The following CFDP1 variants were observed in gnomAD, a reference collection of about 807,000 sequenced individuals.
CFDP1 encodes the protein heterochromatin-stabilizing protein CFDP1.
CFDP1 carries 31 observed loss-of-function variants against 40.1 expected under a neutral mutation model. The ratio of observed to expected loss-of-function variants is 0.77; its 90% confidence interval spans 0.58 to 1.04. The LOEUF is 1.04. CFDP1 is among the 50% of genes least tolerant of loss of function. The pLI, the probability that CFDP1 is intolerant of heterozygous loss-of-function variation, is 0.00. For synonymous variants in CFDP1, 167 were observed against 120.0 expected, an observed-to-expected ratio of 1.39 and a Z score of -2.56; for missense variants, 423 against 343.4, an observed-to-expected ratio of 1.23 and a Z score of -1.83.
intron 5 of CFDP1, among the ~76,000 whole-genome samples, chr16:75,332,813 CTTT>C (rs1222124619): frequency 8.6e-6 from 1 of 116,556 alleles, no homozygotes. Flanking sequence ...TTTTTTTTTC[CTTT>C]TTTTTTTTTG....
chr16:75,368,092 T>A (rs1024137920), intron 5 of CFDP1, among the ~76,000 whole-genome samples: 40 of 152,092 alleles, frequency 2.6e-4, no homozygotes, highest in African/African-American at 8.9e-4. Context: ...GAAGACTCCA[T>A]CTCAAACAAA....
intron 6 of CFDP1, among the ~76,000 whole-genome samples, chr16:75,303,299 G>T (rs28469205): frequency 6.6e-6 from 1 of 152,092 alleles, no homozygotes; most frequent in Non-Finnish European, 1.5e-5. Flanking sequence ...CCGGCAGGCA[G>T]AGGTTGCAGT....
chr16:75,365,182 T>C (rs535813760), intron 5 of CFDP1, among the ~76,000 whole-genome samples: 1 of 152,312 alleles, frequency 6.6e-6, no homozygotes, highest in South Asian at 2.1e-4. Flanking sequence ...AAATTTTATG[T>C]GATAACTGAA....
chr16:75,314,901 GCCA>G (rs1451546273), intron 5 of CFDP1, among the ~76,000 whole-genome samples: 1 of 152,056 alleles, frequency 6.6e-6, no homozygotes, highest in Non-Finnish European at 1.5e-5. Context: ...ACCGGCACCT[GCCA>G]CCACACCTGG....
intron 5 of CFDP1, among the ~76,000 whole-genome samples, chr16:75,370,775 T>C (rs144394929): frequency 1.9e-3 from 283 of 152,180 alleles, no homozygotes; most frequent in African/African-American, 6.6e-3. Context: ...GGCACAAGAA[T>C]CGCTTGAACC....
intron 1 of CFDP1, among the ~76,000 whole-genome samples, chr16:75,423,578 G>C (rs1287852505): frequency 6.6e-6 from 1 of 151,910 alleles, no homozygotes; most frequent in Non-Finnish European, 1.5e-5. Flanking sequence ...GCAGTGGTGC[G>C]ATCTCCGCTC....
chr16:75,375,714 C>T (rs979537245), intron 5 of CFDP1, among the ~76,000 whole-genome samples: 4 of 151,822 alleles, frequency 2.6e-5, no homozygotes, highest in Admixed American at 6.6e-5. Flanking sequence ...TCGTTTAAAC[C>T]CCAGAGGTGG....
chr16:75,424,605 C>T (rs924034831), intron 1 of CFDP1, among the ~76,000 whole-genome samples: 2 of 151,804 alleles, frequency 1.3e-5, no homozygotes, highest in Non-Finnish European at 2.9e-5. Context: ...AATACAAAAA[C>T]TTAGCGGGCG....
chr16:75,338,148 C>G (rs886804279), intron 5 of CFDP1, among the ~76,000 whole-genome samples: 1 of 152,128 alleles, frequency 6.6e-6, no homozygotes, highest in African/African-American at 2.4e-5. Context: ...AACTCAATGG[C>G]AAATCCAGGA....
rs1273055042 is a variant in CFDP1, at chr16:75,358,613, T to TA, written c.650+36476dup. ...TGTACAACCAAATTACAAGCTGAAT[T>TA]ACCTACTTTTCCCCCATGAACACCA... On this transcript the variant is annotated intron_variant, in intron 5 of 6. Transcript: ENST00000283882. Among the ~76,000 whole-genome samples the TA allele has an allele frequency of 3.9e-5, 6 of 152,312 alleles. 1 individual carries two copies. The highest frequency in any genetic ancestry group is 3.9e-4 in the Admixed American group (6 of 15,294).
chr16:75,315,476 A>G (rs2078318468), intron 5 of CFDP1, among the ~76,000 whole-genome samples: 1 of 151,932 alleles, frequency 6.6e-6, no homozygotes, highest in African/African-American at 2.4e-5. Flanking sequence ...TGTTTTTGTA[A>G]CCTTAAGGTG....
At chr16:75,418,685 C>T (rs1427886011) in intron 1 of CFDP1, among the ~76,000 whole-genome samples, 1 of 149,078 alleles carries the variant, frequency 6.7e-6, no homozygotes, top group Non-Finnish European at 1.5e-5. Context: ...TAACATCAAG[C>T]ATCTCTAAAG....
chr16:75,411,205 G>A (rs556058508), intron 4 of CFDP1, among the ~76,000 whole-genome samples: 36 of 151,892 alleles, frequency 2.4e-4, no homozygotes, highest in African/African-American at 8.0e-4. Flanking sequence ...CAACGGGAGC[G>A]AGACTCCATC....
chr16:75,316,685 A>G (rs60031343), intron 5 of CFDP1, among the ~76,000 whole-genome samples: 467 of 152,014 alleles, frequency 3.1e-3, no homozygotes, highest in African/African-American at 0.011. Context: ...AAAAAGTAAA[A>G]GAGGCCGGGC....
chr16:75,428,518 G>C (rs1020189553), intron 1 of CFDP1, among the ~76,000 whole-genome samples: 2 of 152,024 alleles, frequency 1.3e-5, no homozygotes, highest in Admixed American at 6.6e-5. Context: ...TCGAGAGGCT[G>C]AGGCAGGGGA....
chr16:75,385,346 T>C lies in CFDP1; in HGVS notation c.650+9744A>G, dbSNP rs372226572. On this transcript the variant is annotated intron_variant, in intron 5 of 6. Transcript: ENST00000283882. Reference sequence around the variant, plus strand: ...AGCTTCTAGGGATGACAATTAACAATTGGAAAGGCAGAAAGGAACTTTCAC... The same window carrying C: ...AGCTTCTAGGGATGACAATTAACAACTGGAAAGGCAGAAAGGAACTTTCAC... 7.0e-4 allele frequency among the ~76,000 whole-genome samples: 107 copies of C among 152,182 alleles called. 2 individuals are homozygous for C. The South Asian group carries it at 0.016, about 23-fold the overall frequency.
Position 75,338,171 on chromosome 16 carries a change from T to A in CFDP1, c.651-32989A>T, listed in dbSNP as rs149336691. ...GGCAAATCCAGGAGACAGGGAGAAT[T>A]TGGAAGCAATGATGGGTTACAAAAG... On this transcript the variant is annotated intron_variant, in intron 5 of 6. Transcript: ENST00000283882. Among the ~76,000 whole-genome samples the A allele has an allele frequency of 2.2e-4, 33 of 152,280 alleles. No individual in the cohort carries two copies. In the Middle Eastern group the frequency reaches 0.01, roughly 47 times the overall value.
chr16:75,352,588 T>C (rs1293746506), intron 5 of CFDP1, among the ~76,000 whole-genome samples: 1 of 152,180 alleles, frequency 6.6e-6, no homozygotes, highest in Non-Finnish European at 1.5e-5. Context: ...ATAATAATTT[T>C]ATTACAGGGA....
intron 5 of CFDP1, among the ~76,000 whole-genome samples, chr16:75,363,855 C>G (rs1473501830): frequency 6.6e-6 from 1 of 151,602 alleles, no homozygotes; most frequent in African/African-American, 2.4e-5. Flanking sequence ...TATTATGAAC[C>G]AAGTACTGAA....
Sources: allele counts gnomAD v4.1 joint callset (sites outside exome capture counted in the v4.1 genomes callset), GRCh38; gene constraint gnomAD v4.1.1; transcripts MANE v1.5; gene names NCBI Gene and HGNC (gene_info 2026-07-23, HGNC 2026-07-21).